Variants in ENTPD1 observed in about 807,000 individuals in gnomAD.
ENTPD1 encodes the protein ATP diphosphohydrolase.
A neutral mutation model predicts 57.0 loss-of-function variants in ENTPD1; 33 were observed. The ratio of observed to expected loss-of-function variants is 0.58; its 90% CI spans 0.44 to 0.77. The LOEUF (loss-of-function observed/expected upper bound fraction) is 0.77, where lower values mean the gene tolerates loss of function less well. ENTPD1 is among the 30% of genes least tolerant of loss of function. ENTPD1 has a pLI of 0.00. For missense variants in ENTPD1, 501 were observed against 603.4 expected (o/e 0.83, Z 1.78); for synonymous variants, 202 against 218.8 (o/e 0.92, Z 0.68).
chr10:95,793,137 C>T (rs972664840), intron 1 of ENTPD1, among the ~76,000 whole-genome samples: 22 of 152,198 alleles, frequency 1.4e-4, no homozygotes, highest in African/African-American at 4.6e-4. Flanking sequence ...TTCAGTTCCC[C>T]TCCCACCATT....
intron 3 of ENTPD1, among the ~76,000 whole-genome samples, chr10:95,840,704 G>C (rs1369593838): frequency 6.6e-6 from 1 of 152,062 alleles, no homozygotes; most frequent in Non-Finnish European, 1.5e-5. Flanking sequence ...TTCTTTTAAG[G>C]TCATAATATG....
At chr10:95,861,643 C>A (rs564168622) in intron 8 of ENTPD1, 2 of 152,092 alleles carry the variant, frequency 1.3e-5, no homozygotes, top group South Asian at 4.2e-4. Flanking sequence ...AAATGCTTAG[C>A]GGTGGTTTTT....
intron 1 of ENTPD1, among the ~76,000 whole-genome samples, chr10:95,777,177 C>T (rs556063434): frequency 1.6e-4 from 24 of 152,248 alleles, no homozygotes; most frequent in African/African-American, 4.6e-4. Flanking sequence ...TCTTTGCTGG[C>T]GAGGAGCTGT....
intron 1 of ENTPD1, among the ~76,000 whole-genome samples, chr10:95,819,553 T>C (rs2098341604): frequency 6.6e-6 from 1 of 152,218 alleles, no homozygotes; most frequent in Non-Finnish European, 1.5e-5. Context: ...AACCTTTGCT[T>C]CCTTTGATTC....
At chr10:95,697,191 A>T in the ENTPD1 span, among the ~76,000 whole-genome samples, 1 of 151,910 alleles carries the variant, frequency 6.6e-6, no homozygotes, top group Non-Finnish European at 1.5e-5. Flanking sequence ...AGACAATTCT[A>T]TGAGTTATTG....
upstream of ENTPD1, chr10:95,755,616 G>A (rs952186618): frequency 1.7e-5 from 23 of 1,368,218 alleles, no homozygotes; most frequent in Admixed American, 2.0e-5. Flanking sequence ...AACCAATAAC[G>A]CAGCGTCTCC....
chr10:95,864,121 C>CAG (rs1274921485), intron 8 of ENTPD1, among the ~76,000 whole-genome samples: 3 of 152,184 alleles, frequency 2.0e-5, no homozygotes, highest in African/African-American at 7.2e-5. Flanking sequence ...GACATTAAGA[C>CAG]AGAAGATAGA....
the ENTPD1 span, among the ~76,000 whole-genome samples, chr10:95,700,214 A>G: frequency 6.6e-6 from 1 of 152,238 alleles, no homozygotes; most frequent in African/African-American, 2.4e-5. Flanking sequence ...AATTAAAACT[A>G]TTAACTTTTT....
At position 95,719,801 on chromosome 10, in the gene ENTPD1, A is replaced by T. The variant is rs1266035689; in HGVS notation, c.37+7808A>T. ...CCAAATAGATGGGGGCTATCCCTGA[A>T]CCCTTGGGGTAAAACAGTCCAGGTG... On this transcript the variant is annotated intron_variant, in intron 1 of 9. Coordinates refer to the ENTPD1 transcript ENST00000453258. Among the ~76,000 whole-genome samples, 6 of 152,288 alleles carry T rather than the reference A, an allele frequency of 3.9e-5. No homozygotes were observed. The South Asian group carries it at 8.3e-4, about 21-fold the overall frequency.
chr10:95,694,768 C>A, the ENTPD1 span, among the ~76,000 whole-genome samples: 1 of 152,112 alleles, frequency 6.6e-6, no homozygotes, highest in African/African-American at 2.4e-5. Flanking sequence ...TTCCCCACAG[C>A]AGCGCGGGCC....
intron 7 of ENTPD1, among the ~76,000 whole-genome samples, chr10:95,854,650 T>C (rs1418498196): frequency 2.6e-5 from 4 of 152,222 alleles, no homozygotes; most frequent in African/African-American, 9.7e-5. Context: ...TCTCGTTGGT[T>C]TCAAAGAACA....
intron 1 of ENTPD1, among the ~76,000 whole-genome samples, chr10:95,716,873 T>G (rs931693966): frequency 1.3e-5 from 2 of 152,262 alleles, no homozygotes; most frequent in South Asian, 4.1e-4. Context: ...TTATTTGTCT[T>G]CTGACACTGA....
rs970978153 is a variant in ENTPD1 at position 95,832,192 on chromosome 10, G to A, written c.145-7499G>A. ...AACCCAGGACCAACCTGGTAGCCAG[G>A]CAGTGTCAGTGAGGGAAGCAGACCT... On this transcript the variant is annotated intron_variant, in intron 2 of 9. Transcript: ENST00000371205. Among the ~76,000 whole-genome samples the A allele has an allele frequency of 1.4e-4, 21 of 152,152 alleles. 1 individual carries two copies. The highest frequency in any genetic ancestry group is 5.1e-4 in the African/African-American group (21 of 41,428).
intron 1 of ENTPD1, among the ~76,000 whole-genome samples, chr10:95,762,655 C>T (rs1320855741): frequency 1.3e-5 from 2 of 152,098 alleles, no homozygotes; most frequent in Non-Finnish European, 2.9e-5. Flanking sequence ...CAATAAATGT[C>T]TTTGTGCAGG....
At chr10:95,755,872 G>C (rs937623941), upstream of ENTPD1, 3 of 1,519,016 alleles carry the variant, frequency 2.0e-6, no homozygotes, top group Non-Finnish European at 2.7e-6. Context: ...TTTCTATAAC[G>C]AAGAGAGGGA....
At chr10:95,842,178 G>A (rs2140827584) in intron 3 of ENTPD1, among the ~76,000 whole-genome samples, 166 bp from the exon 4 acceptor site, 1 of 152,220 alleles carries the variant, frequency 6.6e-6, no homozygotes, top group Non-Finnish European at 1.5e-5. Context: ...TCCTCTCAAG[G>A]CTAGGTCCAG....
intron 1 of ENTPD1, among the ~76,000 whole-genome samples, chr10:95,745,695 CTTCA>C (rs1387335989): frequency 1.3e-5 from 2 of 152,222 alleles, no homozygotes; most frequent in African/African-American, 4.8e-5. Flanking sequence ...ACAGCACTGA[CTTCA>C]TTGAGTACTA....
In ENTPD1 at chr10:95,872,756, T is replaced by C; in HGVS notation, c.*6373T>C. On this transcript the variant is annotated 3_prime_UTR_variant, in exon 10 of 10. Transcript: ENST00000371205. Reference sequence around the variant, plus strand: ...ACAAACCCTTCTGTTGCTGGCGAGCTGGTCCGCACCACTAGTTCTGCTTCA... The same window carrying C: ...ACAAACCCTTCTGTTGCTGGCGAGCCGGTCCGCACCACTAGTTCTGCTTCA... The C allele has an allele frequency of 1.0e-6, 1 of 985,494 alleles. No individual in the cohort carries two copies. Among genetic ancestry groups the C allele is most frequent in the Non-Finnish European group, 1.2e-6 (1 of 829,942 alleles). 61.0% of individuals were successfully genotyped at this position (985,494 alleles called of 1,614,324 possible).
At chr10:95,703,554 G>C in the ENTPD1 span, among the ~76,000 whole-genome samples, 1 of 152,140 alleles carries the variant, frequency 6.6e-6, no homozygotes, top group African/African-American at 2.4e-5. Context: ...GGCCAAGGCA[G>C]GTGGATCACT....
Sources: allele counts gnomAD v4.1 joint callset (sites outside exome capture counted in the v4.1 genomes callset), GRCh38; gene constraint gnomAD v4.1.1; transcripts MANE v1.5; gene names NCBI Gene and HGNC (gene_info 2026-07-23, HGNC 2026-07-21).